Variants in DCDC2C observed in about 807,000 individuals in gnomAD.
DCDC2C encodes the protein doublecortin domain-containing protein 2C.
In DCDC2C, 44 loss-of-function variants were observed where a neutral mutation model predicts 45.0. The ratio of observed to expected loss-of-function variants is 0.98; its 90% CI spans 0.77 to 1.26. DCDC2C has a LOEUF of 1.26. Ranked by LOEUF, DCDC2C falls within the 50% of genes most tolerant of loss-of-function variation. The pLI, the probability that DCDC2C is intolerant of heterozygous loss-of-function variation, is 0.00. For missense variants in DCDC2C, 447 were observed against 468.9 expected (o/e 0.95, Z 0.43); for synonymous variants, 187 against 178.8 (o/e 1.05, Z -0.37).
At chr2:3,810,965 C>A (rs1015055125) in intron 10 of DCDC2C, among the ~76,000 whole-genome samples, 2 of 152,198 alleles carry the variant, frequency 1.3e-5, no homozygotes, top group Admixed American at 1.3e-4. Context: ...CAGTACCACA[C>A]TGTTTTGGTT....
At chr2:3,779,265 C>A (rs150818947) in intron 9 of DCDC2C, among the ~76,000 whole-genome samples, 34 of 152,276 alleles carry the variant, frequency 2.2e-4, no homozygotes, top group Admixed American at 4.6e-4. Context: ...TGCTGACTGG[C>A]GTAGTTTGTG....
At chr2:3,809,583 T>A (rs1408106746) in intron 10 of DCDC2C, among the ~76,000 whole-genome samples, 3 of 152,170 alleles carry the variant, frequency 2.0e-5, no homozygotes, top group Non-Finnish European at 4.4e-5. Flanking sequence ...GAAATCTTGA[T>A]GAGATAAGCT....
intron 10 of DCDC2C, among the ~76,000 whole-genome samples, chr2:3,785,772 C>T (rs1459988201): frequency 6.6e-6 from 1 of 152,140 alleles, no homozygotes; most frequent in Non-Finnish European, 1.5e-5. Flanking sequence ...CTTTAGTTTT[C>T]CTAGACACCT....
Position 3,724,235 on chromosome 2 carries a change from C to T in DCDC2C, c.340-2768C>T, listed in dbSNP as rs534765775. On this transcript the variant is annotated intron_variant, in intron 2 of 10. Coordinates refer to ENST00000399143, the MANE Select transcript of DCDC2C (RefSeq NM_001287444.2). ...GATTTGAATTCAGATTTGACCAATT[C>T]CAAAGCCTGGGGTCTTCCCGTCTGC... Among the ~76,000 whole-genome samples, 83 of 152,310 alleles carry T rather than the reference C, an allele frequency of 5.4e-4. 1 individual carries two copies. The highest frequency in any genetic ancestry group is 1.8e-3 in the African/African-American group (75 of 41,570).
At chr2:3,783,445 C>T (rs187008072) in intron 9 of DCDC2C, among the ~76,000 whole-genome samples, 205 of 152,312 alleles carry the variant, frequency 1.3e-3, no homozygotes, top group African/African-American at 4.6e-3. Flanking sequence ...TCTCTTCCTC[C>T]ACTAACCTCC....
At chr2:3,743,546 G>T (rs1281353089) in intron 4 of DCDC2C, among the ~76,000 whole-genome samples, 1 of 152,116 alleles carries the variant, frequency 6.6e-6, no homozygotes, top group East Asian at 1.9e-4. Flanking sequence ...CATATCAAGT[G>T]TTTTTTCTGA....
Position 3,794,328 on chromosome 2 carries a change from T to C in DCDC2C, c.1065+9228T>C, listed in dbSNP as rs540469776. ...TGACACTGTCAAACACATGTGCATG[T>C]TTTGCAAATTTGAAGTTTTTTATTA... On this transcript the variant is annotated intron_variant, in intron 10 of 10. Coordinates refer to ENST00000399143, the MANE Select transcript of DCDC2C (RefSeq NM_001287444.2). 2.0e-5 allele frequency among the ~76,000 whole-genome samples: 3 copies of C among 152,262 alleles called. No individual in the cohort carries two copies. In the South Asian group the frequency reaches 6.2e-4, roughly 32 times the overall value.
In DCDC2C at chr2:3,764,506, G is replaced by A. The variant is rs1669965802; in HGVS notation, c.727-3248G>A. 2.0e-5 allele frequency among the ~76,000 whole-genome samples: 3 copies of A among 152,194 alleles called. No individual in the cohort carries two copies. The South Asian group carries it at 6.2e-4, about 31-fold the overall frequency. ...AAGTTTGGGAGGAAAGAGCATATTTGTATGTCCTGCAGATGGCATTAGCTG... is the reference window on the plus strand; with the variant it reads ...AAGTTTGGGAGGAAAGAGCATATTTATATGTCCTGCAGATGGCATTAGCTG... On this transcript the variant is annotated intron_variant, in intron 6 of 10. Coordinates refer to ENST00000399143, the MANE Select transcript of DCDC2C (RefSeq NM_001287444.2).
chr2:3,820,343 G>A (rs1474793251), intron 10 of DCDC2C, among the ~76,000 whole-genome samples: 1 of 152,188 alleles, frequency 6.6e-6, no homozygotes, highest in Non-Finnish European at 1.5e-5. Context: ...TGAGAACACA[G>A]GCTAAGGGAG....
At chr2:3,767,690 C>G in intron 6 of DCDC2C, 64 bp from the exon 7 acceptor site, 1 of 1,529,786 alleles carries the variant, frequency 6.5e-7, no homozygotes, top group Non-Finnish European at 8.8e-7. Context: ...ACCCAGAGAA[C>G]CTGATCGGAC....
intron 10 of DCDC2C, among the ~76,000 whole-genome samples, chr2:3,789,855 G>T (rs565638183): frequency 1.3e-5 from 2 of 152,288 alleles, no homozygotes; most frequent in East Asian, 3.9e-4. Context: ...ACTTTGGGTG[G>T]AATCATAATG....
At chr2:3,803,290 T>G (rs1671155421) in intron 10 of DCDC2C, among the ~76,000 whole-genome samples, 1 of 152,200 alleles carries the variant, frequency 6.6e-6, no homozygotes, top group African/African-American at 2.4e-5. Context: ...GTATACTGCT[T>G]GTCCATCTGT....
chr2:3,824,703 C>CG (rs1340681769), intron 10 of DCDC2C, among the ~76,000 whole-genome samples: 2 of 152,092 alleles, frequency 1.3e-5, no homozygotes, highest in African/African-American at 2.4e-5. Flanking sequence ...TTCTCTTCCC[C>CG]CCGACCCCAG....
Position 3,756,957 on chromosome 2 carries a change from G to A in DCDC2C, c.726+2323G>A, listed in dbSNP as rs191983933. On this transcript the variant is annotated intron_variant, in intron 6 of 10. Transcript: ENST00000399143. The stretch of plus-strand genomic sequence containing the variant: ...TTTTCGTATTAGGTGTTTGTTGAAT[G>A]GATGAATGATGATCACTGAGATTAC... Among the ~76,000 whole-genome samples the A allele has an allele frequency of 1.9e-4, 29 of 152,298 alleles. No individual in the cohort carries two copies. In the East Asian group the frequency reaches 5.4e-3, roughly 28 times the overall value.
chr2:3,731,301 C>T (rs1336006862), intron 3 of DCDC2C, among the ~76,000 whole-genome samples: 1 of 152,210 alleles, frequency 6.6e-6, no homozygotes, highest in Non-Finnish European at 1.5e-5. Flanking sequence ...GGACCAGCAG[C>T]TGGGGCAGCA....
intron 6 of DCDC2C, among the ~76,000 whole-genome samples, chr2:3,760,064 C>T (rs1452514129): frequency 7.9e-5 from 12 of 152,184 alleles, no homozygotes; most frequent in Admixed American, 7.9e-4. Flanking sequence ...TGCTGACTCC[C>T]TCCTCTCTTC....
intron 2 of DCDC2C, 68 bp downstream of exon 2, chr2:3,708,668 G>A (rs1355298719): frequency 1.6e-6 from 2 of 1,243,144 alleles, no homozygotes; most frequent in African/African-American, 1.5e-5. Context: ...TTAAATGTCG[G>A]CACGGAATAA....
chr2:3,809,771 T>G (rs1167479976), intron 10 of DCDC2C, among the ~76,000 whole-genome samples: 1 of 152,004 alleles, frequency 6.6e-6, no homozygotes, highest in Admixed American at 6.6e-5. Context: ...GGCCCTGATG[T>G]GTGTTGTTCC....
chr2:3,709,521 G>A (rs1056784135), intron 2 of DCDC2C, among the ~76,000 whole-genome samples: 5 of 152,190 alleles, frequency 3.3e-5, no homozygotes, highest in African/African-American at 1.2e-4. Flanking sequence ...TGCCCTTGAG[G>A]GCAGTTAAAA....
Sources: allele counts gnomAD v4.1 joint callset (sites outside exome capture counted in the v4.1 genomes callset), GRCh38; gene constraint gnomAD v4.1.1; transcripts MANE v1.5; gene names NCBI Gene and HGNC (gene_info 2026-07-23, HGNC 2026-07-21).